Variants in ADARB2 observed in about 807,000 individuals in gnomAD.
ADARB2 encodes the protein inactive double-stranded RNA-specific editase B2.
Under a neutral mutation model 62.2 loss-of-function variants are expected in ADARB2, and 25 were observed. The ratio of observed to expected loss-of-function variants is 0.40; its 90% CI spans 0.29 to 0.56. ADARB2 has a LOEUF of 0.56. Among genes scored for constraint, ADARB2 ranks in the 20% least tolerant of loss-of-function variants. The pLI is 0.43. For missense variants in ADARB2, 1,071 were observed against 1,077.4 expected (o/e 0.99, Z 0.08); for synonymous variants, 572 against 500.8 (o/e 1.14, Z -1.90).
chr10:1,243,902 T>A (rs575703839), intron 4 of ADARB2, among the ~76,000 whole-genome samples: 1 of 142,832 alleles, frequency 7.0e-6, no homozygotes, highest in African/African-American at 3.1e-5. Context: ...CACTGCCCCC[T>A]CCCTGGTGGG....
intron 1 of ADARB2, among the ~76,000 whole-genome samples, chr10:1,496,611 TATC>T (rs756067430): frequency 9.9e-5 from 15 of 152,054 alleles, no homozygotes; most frequent in Non-Finnish European, 1.9e-4. Context: ...AATCTACCAT[TATC>T]ATCATTTCAT....
At chr10:1,467,977 T>A (rs75602760) in intron 1 of ADARB2, among the ~76,000 whole-genome samples, 3 of 152,168 alleles carry the variant, frequency 2.0e-5, no homozygotes, top group Non-Finnish European at 2.9e-5. Context: ...GTTCTTCCTA[T>A]AATTATAGTG....
At chr10:1,642,379 A>C (rs1472646814) in intron 1 of ADARB2, among the ~76,000 whole-genome samples, 1 of 152,204 alleles carries the variant, frequency 6.6e-6, no homozygotes, top group African/African-American at 2.4e-5. Flanking sequence ...CAGGCACTTC[A>C]GTTCCCCTAT....
chr10:1,229,845 C>CATGTGTTTAT (rs1456831698), intron 6 of ADARB2, among the ~76,000 whole-genome samples: 5 of 120,120 alleles, frequency 4.2e-5, no homozygotes, highest in Admixed American at 3.8e-4. Flanking sequence ...CATGTGCTTA[C>CATGTGTTTAT]GTGTGTGTGT....
intron 1 of ADARB2, among the ~76,000 whole-genome samples, chr10:1,608,891 C>T (rs1311205217): frequency 6.6e-6 from 1 of 152,106 alleles, no homozygotes; most frequent in Non-Finnish European, 1.5e-5. Context: ...GCATTGCCGG[C>T]CCTCTGTCTT....
At chr10:1,625,839 C>T (rs1833758613) in intron 1 of ADARB2, among the ~76,000 whole-genome samples, 1 of 96,046 alleles carries the variant, frequency 1.0e-5, no homozygotes, top group Admixed American at 1.1e-4. Flanking sequence ...CCCAGCACAG[C>T]CATGCCTCCT....
chr10:1,681,903 G>C (rs1194059829), intron 1 of ADARB2, among the ~76,000 whole-genome samples: 2 of 152,172 alleles, frequency 1.3e-5, no homozygotes, highest in African/African-American at 4.8e-5. Flanking sequence ...GTGTGAGGGT[G>C]CATCTATGCA....
At chr10:1,312,377 C>T (rs1473647802) in intron 3 of ADARB2, among the ~76,000 whole-genome samples, 1 of 152,222 alleles carries the variant, frequency 6.6e-6, no homozygotes, top group East Asian at 1.9e-4. Flanking sequence ...CAGGCTGGCT[C>T]TGAGGCTGAT....
At chr10:1,508,559 T>G (rs901050435) in intron 1 of ADARB2, among the ~76,000 whole-genome samples, 4 of 152,168 alleles carry the variant, frequency 2.6e-5, no homozygotes, top group African/African-American at 9.6e-5. Flanking sequence ...GCCGGCTGAT[T>G]GTCTGAGGTC....
chr10:1,376,008 A>G (rs550297633), intron 2 of ADARB2, among the ~76,000 whole-genome samples: 1 of 151,440 alleles, frequency 6.6e-6, no homozygotes. Context: ...TGACACATAT[A>G]CACGTGAACT....
chr10:1,221,590 C>G lies in ADARB2; in HGVS notation c.1514-4471G>C, dbSNP rs528027104. Among the ~76,000 whole-genome samples the G allele has an allele frequency of 1.3e-3, 199 of 151,532 alleles. 3 individuals carry two copies. The South Asian group carries it at 0.036, about 27-fold the overall frequency. On this transcript the variant is annotated intron_variant, in intron 6 of 9. Coordinates refer to ENST00000381312, the MANE Select transcript of ADARB2 (RefSeq NM_018702.4). ...CCCTCACCCCACCCCACCACAGTCC[C>G]CAGTGTGTGATGTTCCCCTTCCTGT... is the stretch of plus-strand genomic sequence containing the variant.
chr10:1,485,298 G>A (rs544210533), intron 1 of ADARB2, among the ~76,000 whole-genome samples: 27 of 152,148 alleles, frequency 1.8e-4, no homozygotes, highest in African/African-American at 6.3e-4. Context: ...ACCTATGTAG[G>A]TATGCAGGTA....
At chr10:1,222,890 G>A (rs1401150055) in intron 6 of ADARB2, among the ~76,000 whole-genome samples, 1 of 151,138 alleles carries the variant, frequency 6.6e-6, no homozygotes, top group African/African-American at 2.5e-5. Flanking sequence ...GATTGACTTG[G>A]TGATGTGGGC....
intron 1 of ADARB2, among the ~76,000 whole-genome samples, chr10:1,578,120 T>C (rs1833046039): frequency 1.3e-5 from 2 of 152,096 alleles, no homozygotes; most frequent in South Asian, 4.1e-4. Context: ...GTGTGTGCTG[T>C]ATATCATTTA....
chr10:1,208,007 G>A (rs747386958), intron 7 of ADARB2, among the ~76,000 whole-genome samples: 18 of 152,302 alleles, frequency 1.2e-4, no homozygotes, highest in Middle Eastern at 3.4e-3. Flanking sequence ...GGCCTGCGGT[G>A]TCCGACCCTC....
rs551089683 is a variant in ADARB2, at chr10:1,532,200, TATCAGCCCGCACCATTCCCTGA to T, written c.101-153062_101-153041del. Among the ~76,000 whole-genome samples the T allele has an allele frequency of 9.9e-3, 1,505 of 152,216 alleles. 22 individuals are homozygous for T. The highest frequency in any genetic ancestry group is 0.013 in the Non-Finnish European group (852 of 68,010). On this transcript the variant is annotated intron_variant, in intron 1 of 9. Coordinates refer to ENST00000381312, the MANE Select transcript of ADARB2 (RefSeq NM_018702.4). ...ATGCTTTCTGGATGGCGTTTTCCTG[TATCAGCCCGCACCATTCCCTGA>T]AGACAGACCGTTCTGTGATGCTTTC... is the stretch of plus-strand genomic sequence containing the variant.
intron 1 of ADARB2, among the ~76,000 whole-genome samples, chr10:1,487,195 G>C (rs921418978): frequency 2.0e-5 from 3 of 152,234 alleles, no homozygotes; most frequent in African/African-American, 7.2e-5. Flanking sequence ...ATCCATCTAC[G>C]ACTGGGTGAG....
chr10:1,605,789 C>T (rs531992703), intron 1 of ADARB2, among the ~76,000 whole-genome samples: 5 of 152,244 alleles, frequency 3.3e-5, no homozygotes, highest in East Asian at 3.9e-4. Flanking sequence ...AGGGCTTCAA[C>T]GTATATTGGC....
chr10:1,725,503 G>A (rs1184171986), intron 1 of ADARB2, among the ~76,000 whole-genome samples: 3 of 151,600 alleles, frequency 2.0e-5, no homozygotes, highest in South Asian at 2.1e-4. Context: ...AGGACTCTGC[G>A]GTGGGGGAAG....
Sources: allele counts gnomAD v4.1 joint callset (sites outside exome capture counted in the v4.1 genomes callset), GRCh38; gene constraint gnomAD v4.1.1; transcripts MANE v1.5; gene names NCBI Gene and HGNC (gene_info 2026-07-23, HGNC 2026-07-21).